MBD5: variants seen among roughly 807,000 people sequenced by gnomAD.
MBD5 encodes the protein methyl-CpG binding domain protein 5.
MBD5 carries 13 observed loss-of-function variants against 117.3 expected under a neutral mutation model. That is an observed-to-expected ratio of 0.11 (90% CI 0.07 to 0.18). MBD5 has a LOEUF of 0.18. Among genes scored for constraint, MBD5 ranks in the 10% least tolerant of loss-of-function variants. MBD5 has a pLI of 1.00. For missense variants in MBD5, 1,879 were observed against 2,093.8 expected (o/e 0.90, Z 2.00); for synonymous variants, 727 against 766.4 (o/e 0.95, Z 0.85).
At chr2:148,150,618 G>A (rs1449194989) in intron 1 of MBD5, among the ~76,000 whole-genome samples, 15 of 151,496 alleles carry the variant, frequency 9.9e-5, no homozygotes, top group Non-Finnish European at 2.1e-4. Flanking sequence ...TTATTTCCTG[G>A]AGCAGTGGTT....
chr2:148,467,368 A>C (rs1680584590), intron 7 of MBD5, among the ~76,000 whole-genome samples: 1 of 152,172 alleles, frequency 6.6e-6, no homozygotes, highest in Admixed American at 6.5e-5. Flanking sequence ...CTCCAGAAAA[A>C]CTGAAGGGAT....
chr2:148,166,856 C>T (rs1698135744), intron 1 of MBD5, among the ~76,000 whole-genome samples: 1 of 151,944 alleles, frequency 6.6e-6, no homozygotes, highest in African/African-American at 2.4e-5. Context: ...TTAATATGTT[C>T]CTAATATGTA....
chr2:148,074,495 G>GTTTTTTTTTTTTTTTTTTTTTTTT (rs1034437368), intron 1 of MBD5, among the ~76,000 whole-genome samples: 1 of 109,822 alleles, frequency 9.1e-6, no homozygotes, highest in African/African-American at 3.6e-5. Flanking sequence ...TTTTTTTTTT[G>GTTTTTTTTTTTTTTTTTTTTTTTT]TTTTTTTTTT....
intron 3 of MBD5, among the ~76,000 whole-genome samples, chr2:148,325,260 C>T (rs1455947256): frequency 6.6e-6 from 1 of 152,140 alleles, no homozygotes; most frequent in Non-Finnish European, 1.5e-5. Context: ...AGGATTTTTG[C>T]ATCAATGTTC....
rs73968634 is a variant in MBD5 at position 148,476,007 on chromosome 2, A to T, written c.2518+5546A>T. 1.4e-3 allele frequency among the ~76,000 whole-genome samples: 217 copies of T among 152,342 alleles called. 2 individuals carry two copies. Among genetic ancestry groups the T allele is most frequent in the African/African-American group, 5.1e-3 (211 of 41,590 alleles). On this transcript the variant is annotated intron_variant, in intron 8 of 13. Coordinates refer to ENST00000642680, the MANE Select transcript of MBD5 (RefSeq NM_001378120.1). Reference sequence around the variant, plus strand: ...TCAAAGTAACAACTCACCTTTTTACAGATTAAAAGTGGAGCTAGACAACAG... The same window carrying T: ...TCAAAGTAACAACTCACCTTTTTACTGATTAAAAGTGGAGCTAGACAACAG...
At chr2:148,484,349 T>C (rs1453683978) in intron 9 of MBD5, among the ~76,000 whole-genome samples, 1 of 152,220 alleles carries the variant, frequency 6.6e-6, no homozygotes, top group African/African-American at 2.4e-5. Flanking sequence ...CTAGCAATAC[T>C]AAATATCATT....
chr2:148,485,587 TACC>T, intron 9 of MBD5, 152 bp from the exon 10 acceptor site: 1 of 643,530 alleles, frequency 1.6e-6, no homozygotes, highest in Non-Finnish European at 2.7e-6. Context: ...ACTCTTTCCT[TACC>T]ACTTAGTAAG....
At chr2:148,406,326 C>T (rs971250721) in intron 4 of MBD5, among the ~76,000 whole-genome samples, 1 of 152,144 alleles carries the variant, frequency 6.6e-6, no homozygotes, top group Non-Finnish European at 1.5e-5. Flanking sequence ...GTTATAATCT[C>T]CAAGAAAACA....
Position 148,514,337 on chromosome 2 carries a change from G to A in MBD5, c.*1396G>A, listed in dbSNP as rs1682296687. On this transcript the variant is annotated 3_prime_UTR_variant, in exon 14 of 14. Coordinates refer to ENST00000642680, the MANE Select transcript of MBD5 (RefSeq NM_001378120.1). The stretch of plus-strand genomic sequence containing the variant: ...AAGTACAAGGTAATTAATAAGAAAT[G>A]TAGCACAACATAATTTTCCGTCTTC... 2.6e-5 allele frequency: 4 copies of A among 152,176 alleles called. No homozygotes were observed. The highest frequency in any genetic ancestry group is 2.6e-4 in the Admixed American group (4 of 15,266). The allele number at this position is 152,176 out of a possible 1,614,324, so 9.4% of individuals were successfully genotyped here.
intron 3 of MBD5, among the ~76,000 whole-genome samples, chr2:148,301,917 A>G (rs1200537194): frequency 6.6e-6 from 1 of 151,940 alleles, no homozygotes; most frequent in Non-Finnish European, 1.5e-5. Flanking sequence ...GTTTCTATCT[A>G]TTGGGAGACT....
intron 8 of MBD5, chr2:148,481,865 A>C (rs978076303): frequency 6.6e-6 from 1 of 152,168 alleles, no homozygotes; most frequent in Non-Finnish European, 1.5e-5. Flanking sequence ...ACATCACAAA[A>C]ACAGTTATAA....
chr2:148,203,200 G>A (rs1699186905), intron 2 of MBD5, among the ~76,000 whole-genome samples: 1 of 151,812 alleles, frequency 6.6e-6, no homozygotes, highest in African/African-American at 2.4e-5. Context: ...AAATTAAAAG[G>A]CACTAATGAA....
Position 148,222,523 on chromosome 2 carries a change from A to G in MBD5, c.-830-10722A>G, listed in dbSNP as rs908817233. Among the ~76,000 whole-genome samples the G allele has an allele frequency of 2.6e-5, 4 of 152,148 alleles. 1 individual carries two copies. The East Asian group carries it at 5.8e-4, about 22-fold the overall frequency. ...CTAGGTATTTATTTGTGGCTACTGT[A>G]AATAGGATTCCATTTTTAGTTTCTT... On this transcript the variant is annotated intron_variant, in intron 2 of 13. Coordinates refer to ENST00000642680, the MANE Select transcript of MBD5 (RefSeq NM_001378120.1).
intron 4 of MBD5, among the ~76,000 whole-genome samples, chr2:148,441,880 G>C (rs1306284069): frequency 6.6e-6 from 1 of 152,124 alleles, no homozygotes; most frequent in Non-Finnish European, 1.5e-5. Flanking sequence ...TTTTTCATGT[G>C]TCTTTTGGCT....
At chr2:148,101,904 C>CA (rs929405812) in intron 1 of MBD5, among the ~76,000 whole-genome samples, 5 of 152,034 alleles carry the variant, frequency 3.3e-5, no homozygotes, top group African/African-American at 1.2e-4. Context: ...TGTATGTGTG[C>CA]ATGCATGTAT....
intron 4 of MBD5, chr2:148,393,297 A>G (rs915965799): frequency 1.3e-5 from 2 of 152,210 alleles, no homozygotes; most frequent in Admixed American, 1.3e-4. Context: ...TCTGTTTTCC[A>G]TAGGTTTCAG....
intron 12 of MBD5, among the ~76,000 whole-genome samples, chr2:148,506,702 T>C (rs141154836): frequency 9.5e-4 from 145 of 152,348 alleles, no homozygotes; most frequent in African/African-American, 3.4e-3. Context: ...AGTTGAGAAG[T>C]GGCAATTATC....
intron 1 of MBD5, among the ~76,000 whole-genome samples, chr2:148,159,524 G>A (rs1222012427): frequency 6.6e-6 from 1 of 151,978 alleles, no homozygotes; most frequent in South Asian, 2.1e-4. Flanking sequence ...GAGCTCAAGC[G>A]ATCCACCTGC....
intron 3 of MBD5, among the ~76,000 whole-genome samples, chr2:148,299,974 A>C (rs1332376746): frequency 6.6e-6 from 1 of 152,218 alleles, no homozygotes. Context: ...ATATTTAACC[A>C]AATGATTGTC....
Sources: allele counts gnomAD v4.1 joint callset (sites outside exome capture counted in the v4.1 genomes callset), GRCh38; gene constraint gnomAD v4.1.1; transcripts MANE v1.5; gene names NCBI Gene and HGNC (gene_info 2026-07-23, HGNC 2026-07-21).